The following TBRG1 variants were observed in gnomAD, a reference collection of about 807,000 sequenced individuals.
The protein encoded by TBRG1 is nuclear interactor of ARF and MDM2.
Under a neutral mutation model 44.0 loss-of-function variants are expected in TBRG1, and 31 were observed. The observed-to-expected ratio is 0.70, with a 90% CI of 0.53 to 0.95. The LOEUF is 0.95. Among genes scored for constraint, TBRG1 ranks in the 40% least tolerant of loss-of-function variants. The probability of loss-of-function intolerance (pLI) is 0.00; values close to 1 mark genes in which losing one functional copy is unlikely to be tolerated. For synonymous variants in TBRG1, 171 were observed against 188.1 expected (o/e 0.91, Z 0.74); for missense variants, 487 against 496.1 (o/e 0.98, Z 0.18).
chr11:124,624,375 A>AAG (rs1415399082), intron 1 of TBRG1, among the ~76,000 whole-genome samples: 12 of 148,014 alleles, frequency 8.1e-5, no homozygotes, highest in Non-Finnish European at 1.5e-4. Flanking sequence ...AAAAAAAAAA[A>AAG]AAAAAAAAGA....
chr11:124,622,964 T>C lies in TBRG1; in HGVS notation c.-120T>C, dbSNP rs1040859150. 3.9e-5 allele frequency: 45 copies of C among 1,145,570 alleles called. No individual in the cohort carries two copies. Among genetic ancestry groups the C allele is most frequent in the Middle Eastern group, 3.0e-4 (1 of 3,378 alleles). The allele number at this position is 1,145,570 out of a possible 1,614,324, so 71.0% of individuals were successfully genotyped here. ...CAGCCCTGGGAACGTCCCGGAGAGCTAGATTCCTAGAGGCCCGATTCCGCT... is the reference window on the plus strand; with the variant it reads ...CAGCCCTGGGAACGTCCCGGAGAGCCAGATTCCTAGAGGCCCGATTCCGCT... On this transcript the variant is annotated 5_prime_UTR_variant, in exon 1 of 9. Transcript: ENST00000441174.
chr11:124,630,386 A>G lies in TBRG1; in HGVS notation c.739-2A>G. 1.2e-6 allele frequency: 2 copies of G among 1,605,716 alleles called. No individual in the cohort carries two copies. The highest frequency in any genetic ancestry group is 1.7e-6 in the Non-Finnish European group (2 of 1,172,422). ...ATCTCATTGCTCGTTTGTCTTTCTC[A>G]GTTTGAAATTGTTCCTGAAGATGAC... On this transcript the variant is annotated splice_acceptor_variant, in intron 5 of 8. Transcript: ENST00000441174. LOFTEE classifies it high-confidence loss of function.
At chr11:124,628,081 AT>A (rs1345740800) in intron 5 of TBRG1, among the ~76,000 whole-genome samples, 3 of 51,868 alleles carry the variant, frequency 5.8e-5, no homozygotes, top group African/African-American at 4.5e-4. Context: ...ATATATATAT[AT>A]ATATATATAT....
At chr11:124,628,065 TTATATATATATATATATATATA>T (rs71042445) in intron 5 of TBRG1, among the ~76,000 whole-genome samples, 2,783 of 69,768 alleles carry the variant, frequency 0.04, 168 homozygotes, top group African/African-American at 0.11. Flanking sequence ...AGTAGCTGTT[TTATATATATATATATATATATA>T]TATATATATA....
At position 124,635,200 on chromosome 11, in the gene TBRG1, T is replaced by G. The variant is rs1370921573; in HGVS notation, c.*2962T>G. 1 of 152,214 alleles carries G rather than the reference T, an allele frequency of 6.6e-6. No homozygotes were observed. Among genetic ancestry groups the G allele is most frequent in the African/African-American group, 2.4e-5 (1 of 41,436 alleles). 9.4% of individuals were successfully genotyped at this position (152,214 alleles called of 1,614,324 possible). ...GGAGTGGAGGAGTGGACGGGTAGAT[T>G]GACTTTTTCTCAGGCATCAATCTGT... On this transcript the variant is annotated 3_prime_UTR_variant, in exon 9 of 9. Transcript: ENST00000441174.
intron 1 of TBRG1, 161 bp downstream of exon 1, chr11:124,623,394 A>G: frequency 1.3e-6 from 1 of 797,056 alleles, no homozygotes. Flanking sequence ...AAATTACGTA[A>G]TTTCTCTGTG....
chr11:124,635,651 T>C lies in TBRG1; in HGVS notation c.*3413T>C, dbSNP rs1022138410. On this transcript the variant is annotated 3_prime_UTR_variant, in exon 9 of 9. Transcript: ENST00000441174. ...TATTTTTTACACTACGTAAAATACATTGTATATGTACAGTGAGTGATGCTT... is the reference window on the plus strand; with the variant it reads ...TATTTTTTACACTACGTAAAATACACTGTATATGTACAGTGAGTGATGCTT... 1.3e-5 allele frequency: 2 copies of C among 152,232 alleles called. No homozygotes were observed. The highest frequency in any genetic ancestry group is 2.9e-5 in the Non-Finnish European group (2 of 68,048). The allele number at this position is 152,232 out of a possible 1,614,324, so 9.4% of individuals were successfully genotyped here.
At chr11:124,623,597 T>TGAA (rs1336272015) in intron 1 of TBRG1, 2 of 369,102 alleles carry the variant, frequency 5.4e-6, no homozygotes, top group African/African-American at 4.2e-5. Context: ...ATGAGAACAC[T>TGAA]GAAGCCCAGA....
chr11:124,627,160 G>C, intron 5 of TBRG1, 110 bp downstream of exon 5: 1 of 814,876 alleles, frequency 1.2e-6, no homozygotes, highest in Non-Finnish European at 2.0e-6. Flanking sequence ...TCACCATTTG[G>C]GTAATCCCAA....
chr11:124,627,789 A>G (rs1372901163), intron 5 of TBRG1, among the ~76,000 whole-genome samples: 1 of 152,074 alleles, frequency 6.6e-6, no homozygotes, highest in East Asian at 1.9e-4. Flanking sequence ...ATTATGCAAT[A>G]GTTTCTTTAG....
Position 124,633,971 on chromosome 11 carries a change from A to G in TBRG1, c.*1733A>G, listed in dbSNP as rs1176930201. ...TTTCAGCTATAATGCATATACAACT[A>G]TAGTGTGTACGTATACCACATATAC... On this transcript the variant is annotated 3_prime_UTR_variant, in exon 9 of 9. Coordinates refer to ENST00000441174, the MANE Select transcript of TBRG1 (RefSeq NM_032811.3). The G allele has an allele frequency of 6.6e-6, 1 of 152,270 alleles. No homozygotes were observed. Among genetic ancestry groups the G allele is most frequent in the African/African-American group, 2.4e-5 (1 of 41,476 alleles). The allele number at this position is 152,270 out of a possible 1,614,324, so 9.4% of individuals were successfully genotyped here.
At chr11:124,624,810 A>T (rs1402597229) in intron 1 of TBRG1, 121 bp from the exon 2 acceptor site, 1 of 693,288 alleles carries the variant, frequency 1.4e-6, no homozygotes, top group Admixed American at 2.8e-5. Flanking sequence ...CACACGGTCG[A>T]ATAGCTCCTT....
chr11:124,623,169 G>C lies in TBRG1; in HGVS notation c.86G>C (p.Ser29Thr), dbSNP rs1942377783. Residue 29 changes from serine to threonine, a missense_variant, in exon 1 of 9, where the codon AGC (serine) becomes ACC (threonine). Physicochemically the swap from Ser to Thr is moderately conservative, Grantham distance 58 (BLOSUM62 1). Coordinates refer to ENST00000441174, the MANE Select transcript of TBRG1 (RefSeq NM_032811.3). ...AGGATGAAAAAGCTCCCGAAGAAGA[G>C]CCAGAATGAGAAGTACCGGCTGAAG... ...KARMKKLPKK[S>T]QNEKYRLKYL... is the part of the protein sequence containing the mutation. 6.4e-7 allele frequency: 1 copy of C among 1,551,688 alleles called. No homozygotes were observed. The highest frequency in any genetic ancestry group is 8.7e-7 in the Non-Finnish European group (1 of 1,147,000).
At chr11:124,631,708 A>G (rs1942614368) in intron 8 of TBRG1, 3 of 482,986 alleles carry the variant, frequency 6.2e-6, no homozygotes, top group Non-Finnish European at 7.4e-6. Context: ...ACCAGGGGAA[A>G]GTTTACTGTG....
intron 5 of TBRG1, 43 bp downstream of exon 5, chr11:124,627,093 C>G (rs1942493460): frequency 1.5e-6 from 2 of 1,298,212 alleles, no homozygotes; most frequent in Non-Finnish European, 2.2e-6. Flanking sequence ...TTAGAACCTT[C>G]TCTGTGCTAG....
In TBRG1 at chr11:124,633,763, T is replaced by G. The variant is rs1942660946; in HGVS notation, c.*1525T>G. 6.6e-6 allele frequency: 1 copy of G among 152,274 alleles called. No individual in the cohort carries two copies. The highest frequency in any genetic ancestry group is 1.5e-5 in the Non-Finnish European group (1 of 68,054). The allele number at this position is 152,274 out of a possible 1,614,324, so 9.4% of individuals were successfully genotyped here. On this transcript the variant is annotated 3_prime_UTR_variant, in exon 9 of 9. Transcript: ENST00000441174. ...ATGTTAATGCAGTGTTTTTCTTTTT[T>G]TCTCTGCATAAATGGCTTGAGCATA...
At position 124,635,802 on chromosome 11, in the gene TBRG1, A is replaced by G. The variant is rs1041312810; in HGVS notation, c.*3564A>G. The G allele has an allele frequency of 2.2e-4, 34 of 152,260 alleles. No individual in the cohort carries two copies. Among genetic ancestry groups the G allele is most frequent in the Admixed American group, 2.2e-3 (33 of 15,296 alleles). 9.4% of individuals were successfully genotyped at this position (152,260 alleles called of 1,614,324 possible). ...TATAAATACATACACATCACTAGTG[A>G]TTATGCTTTTATTTATTTCCAACTT... On this transcript the variant is annotated 3_prime_UTR_variant, in exon 9 of 9. Coordinates refer to ENST00000441174, the MANE Select transcript of TBRG1 (RefSeq NM_032811.3).
intron 1 of TBRG1, 173 bp downstream of exon 1, chr11:124,623,406 C>G: frequency 1.3e-6 from 1 of 758,312 alleles, no homozygotes; most frequent in South Asian, 1.5e-5. Context: ...TTCTCTGTGT[C>G]CTCATCTGTA....
intron 6 of TBRG1, 92 bp from the exon 7 acceptor site, chr11:124,630,653 T>G: frequency 9.2e-7 from 1 of 1,081,954 alleles, no homozygotes; most frequent in Non-Finnish European, 1.4e-6. Flanking sequence ...TCAAGAAAGC[T>G]TATCCTGTTT....
Sources: gnomAD v4.1 joint callset for allele counts (sites outside exome capture counted in the v4.1 genomes callset) on GRCh38, gnomAD v4.1.1 for gene constraint, MANE v1.5 for transcripts, NCBI Gene and HGNC (gene_info 2026-07-23, HGNC 2026-07-21) for gene names.